AKAIN1: variants seen among roughly 807,000 people sequenced by gnomAD.
AKAIN1 encodes the protein A-kinase anchor protein inhibitor 1.
Under a neutral mutation model 3.7 loss-of-function variants are expected in AKAIN1, and 3 were observed. The ratio of observed to expected loss-of-function variants is 0.82; its 90% confidence interval spans 0.37 to 2.12. AKAIN1 has a LOEUF of 2.12. Ranked by LOEUF, AKAIN1 falls within the 30% of genes most tolerant of loss-of-function variation. The pLI, the probability that AKAIN1 is intolerant of heterozygous loss-of-function variation, is 0.06. For missense variants in AKAIN1, 82 were observed against 82.7 expected (o/e 0.99, Z 0.03); for synonymous variants, 31 against 30.8 (o/e 1.01, Z -0.02).
chr18:5,174,222 A>G (rs554129542), intron 1 of AKAIN1, among the ~76,000 whole-genome samples: 3 of 152,234 alleles, frequency 2.0e-5, no homozygotes, highest in African/African-American at 7.2e-5. Flanking sequence ...CAAGCTCTTG[A>G]GGGCTGCCTC....
chr18:5,182,324 A>G (rs1446713448), intron 1 of AKAIN1, among the ~76,000 whole-genome samples: 1 of 152,058 alleles, frequency 6.6e-6, no homozygotes, highest in Non-Finnish European at 1.5e-5. Flanking sequence ...TAAGATGCAC[A>G]TTATTAGTTA....
chr18:5,171,537 T>C (rs386819), intron 1 of AKAIN1, among the ~76,000 whole-genome samples: 7,317 of 152,132 alleles, frequency 0.048, 446 homozygotes, highest in African/African-American at 0.14. Flanking sequence ...CAGATCCGAA[T>C]AGACAGTTCT....
chr18:5,167,789 C>T (rs1431898443), intron 1 of AKAIN1, among the ~76,000 whole-genome samples: 2 of 151,924 alleles, frequency 1.3e-5, no homozygotes, highest in Admixed American at 1.3e-4. Flanking sequence ...ATACTTTCAC[C>T]CCACCAGCAG....
chr18:5,173,841 C>G (rs145049455), intron 1 of AKAIN1, among the ~76,000 whole-genome samples: 5 of 152,154 alleles, frequency 3.3e-5, no homozygotes, highest in African/African-American at 1.2e-4. Flanking sequence ...GATCCCCCCT[C>G]GGCCATCTGC....
chr18:5,166,977 A>G (rs2071171184), intron 1 of AKAIN1, among the ~76,000 whole-genome samples: 1 of 152,104 alleles, frequency 6.6e-6, no homozygotes, highest in Non-Finnish European at 1.5e-5. Flanking sequence ...GCTAACACAC[A>G]TTATTAAAGA....
At chr18:5,182,416 T>C (rs1404657250) in intron 1 of AKAIN1, among the ~76,000 whole-genome samples, 1 of 152,118 alleles carries the variant, frequency 6.6e-6, no homozygotes, top group African/African-American at 2.4e-5. Flanking sequence ...TTATTTTCAC[T>C]ACCACTCTGG....
intron 1 of AKAIN1, among the ~76,000 whole-genome samples, chr18:5,173,986 G>T (rs1377822150): frequency 6.6e-6 from 1 of 152,122 alleles, no homozygotes; most frequent in African/African-American, 2.4e-5. Flanking sequence ...GTCTAAGGAA[G>T]ATGCTCTGAG....
At chr18:5,185,060 A>G (rs575886330) in intron 1 of AKAIN1, among the ~76,000 whole-genome samples, 6 of 152,122 alleles carry the variant, frequency 3.9e-5, no homozygotes, top group Non-Finnish European at 8.8e-5. Context: ...CCACCACCTG[A>G]TCTTCAACAA....
In AKAIN1 at chr18:5,197,100, CA is replaced by C; in HGVS notation, c.-48del. 6.4e-7 allele frequency: 1 copy of C among 1,550,858 alleles called. No individual in the cohort carries two copies. The highest frequency in any genetic ancestry group is 8.7e-7 in the Non-Finnish European group (1 of 1,146,848). ...CCCCAGATTAAGAGAGAAAGACAGG[CA>C]GACGGAGGATGGGAAGAAGGCCGGA... On this transcript the variant is annotated 5_prime_UTR_variant, in exon 1 of 2. Coordinates refer to ENST00000434239, the MANE Select transcript of AKAIN1 (RefSeq NM_001145194.2). This position sits in a 1 kb window ranked among gnomAD's most constrained non-coding sequence, Gnocchi z 6.9.
Position 5,144,928 on chromosome 18 carries a change from C to A in AKAIN1, c.*634G>T, listed in dbSNP as rs1282950443. On this transcript the variant is annotated 3_prime_UTR_variant, in exon 2 of 2. Transcript: ENST00000434239. ...AGAGCATAAACACCAATTATGAAAT[C>A]ATTCAGAGAATTGAGACTAAAAGAC... Among the ~76,000 whole-genome samples the A allele has an allele frequency of 1.3e-5, 2 of 152,188 alleles. No individual in the cohort carries two copies. The highest frequency in any genetic ancestry group is 2.9e-5 in the Non-Finnish European group (2 of 68,022).
intron 1 of AKAIN1, among the ~76,000 whole-genome samples, chr18:5,155,674 C>T (rs1211873900): frequency 2.0e-5 from 3 of 152,140 alleles, no homozygotes; most frequent in African/African-American, 4.8e-5. Flanking sequence ...CCAGGCTGGC[C>T]CGAACTCAGG....
At chr18:5,147,874 A>G (rs1422068153) in intron 1 of AKAIN1, among the ~76,000 whole-genome samples, 4 of 152,248 alleles carry the variant, frequency 2.6e-5, no homozygotes, top group African/African-American at 9.6e-5. Flanking sequence ...CAAGAAGAAT[A>G]GAAATTTTTC....
intron 1 of AKAIN1, among the ~76,000 whole-genome samples, chr18:5,173,065 A>G (rs1194372531): frequency 6.6e-6 from 1 of 152,174 alleles, no homozygotes; most frequent in Non-Finnish European, 1.5e-5. Flanking sequence ...TGATATTGTA[A>G]TGTGCAAAAT....
intron 1 of AKAIN1, among the ~76,000 whole-genome samples, chr18:5,153,368 T>C (rs949755003): frequency 2.0e-5 from 3 of 152,226 alleles, no homozygotes; most frequent in African/African-American, 7.2e-5. Context: ...AAGATGGATC[T>C]AATTTACCAG....
chr18:5,166,123 T>C (rs1321095843), intron 1 of AKAIN1, among the ~76,000 whole-genome samples: 5 of 152,030 alleles, frequency 3.3e-5, no homozygotes, highest in Admixed American at 2.0e-4. Context: ...AAAAATAATA[T>C]AAGCATCTAT....
At chr18:5,192,456 C>T (rs7237327) in intron 1 of AKAIN1, among the ~76,000 whole-genome samples, 107,800 of 134,060 alleles carry the variant, frequency 0.8, 41,376 homozygotes, top group Middle Eastern at 0.9. Flanking sequence ...TTTTTCTTTT[C>T]TTTGGTAGAG....
chr18:5,158,592 T>C (rs1816656706), intron 1 of AKAIN1, among the ~76,000 whole-genome samples: 1 of 152,212 alleles, frequency 6.6e-6, no homozygotes, highest in Non-Finnish European at 1.5e-5. Context: ...TTTCAAACAC[T>C]ACAGAACAAA....
At chr18:5,190,227 T>A (rs1274355490) in intron 1 of AKAIN1, among the ~76,000 whole-genome samples, 1 of 152,182 alleles carries the variant, frequency 6.6e-6, no homozygotes, top group Non-Finnish European at 1.5e-5. Flanking sequence ...CATGACCTAA[T>A]CACCTCTTAA....
intron 1 of AKAIN1, among the ~76,000 whole-genome samples, chr18:5,148,615 G>A (rs1284814224): frequency 1.3e-5 from 2 of 152,174 alleles, no homozygotes; most frequent in African/African-American, 2.4e-5. Context: ...CAGCACTCTG[G>A]GAGGCCGACA....
Sources: allele counts gnomAD v4.1 joint callset (sites outside exome capture counted in the v4.1 genomes callset), GRCh38; gene constraint gnomAD v4.1.1; non-coding constraint Gnocchi (gnomAD v3.1); transcripts MANE v1.5; gene names NCBI Gene and HGNC (gene_info 2026-07-23, HGNC 2026-07-21).